Variants in NMNAT3 observed in about 807,000 individuals in gnomAD.
The protein encoded by NMNAT3 is nicotinamide/nicotinic acid mononucleotide adenylyltransferase 3.
A neutral mutation model predicts 24.8 loss-of-function variants in NMNAT3; 21 were observed. The ratio of observed to expected loss-of-function variants is 0.85; its 90% CI spans 0.60 to 1.22. The LOEUF is 1.22. NMNAT3 is among the 50% of genes most tolerant of loss of function. The pLI is 0.00. For missense variants in NMNAT3, 387 were observed against 436.6 expected, an observed-to-expected ratio of 0.89 and a Z score of 1.01; for synonymous variants, 136 against 155.2, an observed-to-expected ratio of 0.88 and a Z score of 0.92.
chr3:139,592,190 G>A (rs1490411352), intron 3 of NMNAT3, among the ~76,000 whole-genome samples: 1 of 152,158 alleles, frequency 6.6e-6, no homozygotes, highest in Non-Finnish European at 1.5e-5. Context: ...CTCAGGAGCC[G>A]ATGCGATCAA....
intron 1 of NMNAT3, among the ~76,000 whole-genome samples, chr3:139,671,605 TTCTC>T (rs1215758839): frequency 2.1e-5 from 3 of 143,438 alleles, no homozygotes; most frequent in Non-Finnish European, 3.1e-5. Context: ...GTGGTATCCT[TTCTC>T]TCTCTCTCTC....
rs181657154 is a variant in NMNAT3, at chr3:139,564,720, A to G, written c.659-3328T>C. Among the ~76,000 whole-genome samples the G allele has an allele frequency of 4.6e-5, 7 of 152,354 alleles. No homozygotes were observed. The East Asian group carries it at 1.4e-3, about 29-fold the overall frequency. The stretch of plus-strand genomic sequence containing the variant: ...ACAGCACACCAATAAAATACGCAGC[A>G]CACAAAATGGTCCTTTAGAAATATG... On this transcript the variant is annotated intron_variant, in intron 6 of 6. Coordinates refer to ENST00000643695, the MANE Select transcript of NMNAT3 (RefSeq NM_001320510.2).
intron 1 of NMNAT3, among the ~76,000 whole-genome samples, chr3:139,644,010 T>A (rs1373989760): frequency 6.6e-6 from 1 of 152,216 alleles, no homozygotes; most frequent in Non-Finnish European, 1.5e-5. Flanking sequence ...TCTTGAGATT[T>A]ACCCAGTTGC....
intron 1 of NMNAT3, among the ~76,000 whole-genome samples, chr3:139,645,039 T>C (rs1460697266): frequency 1.3e-5 from 2 of 152,046 alleles, no homozygotes; most frequent in African/African-American, 4.8e-5. Flanking sequence ...TCATCTCTAC[T>C]AAAAATACTA....
At chr3:139,578,081 G>A (rs964835849) in intron 5 of NMNAT3, among the ~76,000 whole-genome samples, 1 of 152,194 alleles carries the variant, frequency 6.6e-6, no homozygotes, top group Non-Finnish European at 1.5e-5. Context: ...AGCAGAGCTG[G>A]TTGTCATTAG....
intron 1 of NMNAT3, among the ~76,000 whole-genome samples, chr3:139,662,844 C>G (rs2057460184): frequency 6.6e-6 from 1 of 152,100 alleles, no homozygotes; most frequent in Admixed American, 6.6e-5. Context: ...TTTTAATGAC[C>G]CCCCAATCAA....
rs142590160 is a variant in NMNAT3 at position 139,604,767 on chromosome 3, A to G, written c.110-21559T>C. Among the ~76,000 whole-genome samples, 232 of 152,272 alleles carry G rather than the reference A, an allele frequency of 1.5e-3. 2 individuals are homozygous for G. Among genetic ancestry groups the G allele is most frequent in the African/African-American group, 5.5e-3 (230 of 41,552 alleles). ...CATCTTGCATGAAGTAATTTAAGGG[A>G]TGTTCAAGGATATTGTTGATTATAT... On this transcript the variant is annotated intron_variant, in intron 3 of 6. Transcript: ENST00000643695.
chr3:139,591,117 G>A (rs1005008329), intron 3 of NMNAT3, among the ~76,000 whole-genome samples: 13 of 151,196 alleles, frequency 8.6e-5, no homozygotes, highest in African/African-American at 1.9e-4. Flanking sequence ...TGTGCGCACC[G>A]TGCGCGAGCC....
intron 3 of NMNAT3, 43 bp downstream of exon 4, chr3:139,627,573 A>G: frequency 8.3e-7 from 1 of 1,206,946 alleles, no homozygotes; most frequent in Non-Finnish European, 1.2e-6. Context: ...CATGAAGCCT[A>G]ACCCACCAGT....
chr3:139,651,881 T>A (rs2057066799), intron 1 of NMNAT3, among the ~76,000 whole-genome samples: 1 of 152,160 alleles, frequency 6.6e-6, no homozygotes, highest in African/African-American at 2.4e-5. Context: ...CCAAAGTCAG[T>A]GTTCCTCTGA....
chr3:139,599,441 G>A, intron 3 of NMNAT3: 1 of 700,956 alleles, frequency 1.4e-6, no homozygotes, highest in Middle Eastern at 2.3e-4. Context: ...GTGCACCCTG[G>A]GAAACAAAGG....
At chr3:139,578,613 C>T (rs1458356824) in intron 5 of NMNAT3, among the ~76,000 whole-genome samples, 2 of 152,130 alleles carry the variant, frequency 1.3e-5, no homozygotes, top group East Asian at 1.9e-4. Context: ...CCAGTGCTAC[C>T]GTCATCTGAA....
intron 4 of NMNAT3, among the ~76,000 whole-genome samples, chr3:139,581,253 G>T (rs1425111680): frequency 6.6e-6 from 1 of 152,054 alleles, no homozygotes; most frequent in South Asian, 2.1e-4. Context: ...GCTACAAGAG[G>T]TATTTTTGGG....
At chr3:139,592,221 G>A (rs1243862783) in intron 3 of NMNAT3, among the ~76,000 whole-genome samples, 15 of 152,296 alleles carry the variant, frequency 9.8e-5, no homozygotes, top group East Asian at 5.8e-4. Context: ...GGGTATCAGC[G>A]ATGGAAGATG....
intron 3 of NMNAT3, among the ~76,000 whole-genome samples, chr3:139,619,813 C>T (rs2055677379): frequency 6.6e-6 from 1 of 152,194 alleles, no homozygotes; most frequent in South Asian, 2.1e-4. Context: ...ATTCTGCTCA[C>T]TATTTTCAGC....
intron 3 of NMNAT3, chr3:139,610,021 G>C (rs943949791): frequency 2.0e-5 from 3 of 152,142 alleles, no homozygotes; most frequent in Non-Finnish European, 4.4e-5. Context: ...TTTTTTATTT[G>C]GTTGGGGGAA....
chr3:139,561,879 TA>T (rs1261885678), intron 6 of NMNAT3, among the ~76,000 whole-genome samples: 1 of 152,196 alleles, frequency 6.6e-6, no homozygotes, highest in East Asian at 1.9e-4. Context: ...AATCTCACTA[TA>T]AAGATTAATT....
chr3:139,581,385 C>T (rs1230145826), intron 4 of NMNAT3, among the ~76,000 whole-genome samples: 3 of 146,320 alleles, frequency 2.1e-5, no homozygotes, highest in Non-Finnish European at 3.0e-5. Context: ...TTTTTTTTTA[C>T]ACAAGTGTCA....
At chr3:139,655,295 T>C (rs966292800) in intron 1 of NMNAT3, among the ~76,000 whole-genome samples, 10 of 152,290 alleles carry the variant, frequency 6.6e-5, no homozygotes, top group African/African-American at 2.2e-4. Flanking sequence ...TGCGTGGTTT[T>C]ATGCAAGAGA....
Sources: allele counts gnomAD v4.1 joint callset (sites outside exome capture counted in the v4.1 genomes callset), GRCh38; gene constraint gnomAD v4.1.1; transcripts MANE v1.5; gene names NCBI Gene and HGNC (gene_info 2026-07-23, HGNC 2026-07-21).